The following MACROD2 variants were observed in gnomAD, a reference collection of about 807,000 sequenced individuals.
MACROD2 encodes the protein mono-ADP ribosylhydrolase 2, also known as ADP-ribose glycohydrolase MACROD2.
In MACROD2, 36 loss-of-function variants were observed where a neutral mutation model predicts 70.4. The ratio of observed to expected loss-of-function variants is 0.51; its 90% CI spans 0.39 to 0.68. MACROD2 has a LOEUF of 0.68. Among genes scored for constraint, MACROD2 ranks in the 30% least tolerant of loss-of-function variants. MACROD2 has a pLI of 0.00. For missense variants in MACROD2, 496 were observed against 538.4 expected (o/e 0.92, Z 0.78); for synonymous variants, 172 against 178.8 (o/e 0.96, Z 0.30).
At chr20:15,383,013 G>T (rs1293279889) in intron 6 of MACROD2, among the ~76,000 whole-genome samples, 1 of 152,144 alleles carries the variant, frequency 6.6e-6, no homozygotes, top group Non-Finnish European at 1.5e-5. Context: ...TTCAAATTCA[G>T]AAGAAAAGGA....
intron 6 of MACROD2, among the ~76,000 whole-genome samples, chr20:15,331,289 G>T (rs1486298562): frequency 6.6e-6 from 1 of 151,606 alleles, no homozygotes; most frequent in Admixed American, 6.6e-5. Context: ...AGTAATATTT[G>T]TTCGTTATAG....
intron 8 of MACROD2, among the ~76,000 whole-genome samples, chr20:15,568,171 A>G (rs1204784483): frequency 2.0e-5 from 3 of 152,142 alleles, no homozygotes; most frequent in African/African-American, 7.2e-5. Context: ...TTTCTCTATC[A>G]TGGCAAAGAT....
chr20:15,710,131 T>G (rs2050602918), intron 8 of MACROD2, among the ~76,000 whole-genome samples: 1 of 140,548 alleles, frequency 7.1e-6, no homozygotes, highest in African/African-American at 2.7e-5. Flanking sequence ...ACCAAGGAAA[T>G]GCAACTCAAA....
chr20:15,926,057 T>C (rs2065484929), intron 10 of MACROD2, among the ~76,000 whole-genome samples: 1 of 152,334 alleles, frequency 6.6e-6, no homozygotes. Flanking sequence ...GTCATTAGTC[T>C]GGAGAACTAT....
chr20:14,853,643 A>G (rs1466297301), intron 5 of MACROD2, among the ~76,000 whole-genome samples: 1 of 151,942 alleles, frequency 6.6e-6, no homozygotes, highest in Non-Finnish European at 1.5e-5. Flanking sequence ...TCCTCTTTTC[A>G]TTATTAAATG....
At chr20:14,647,453 A>C (rs1332182964) in intron 4 of MACROD2, among the ~76,000 whole-genome samples, 2 of 152,182 alleles carry the variant, frequency 1.3e-5, no homozygotes, top group Non-Finnish European at 2.9e-5. Flanking sequence ...TTTGTTTCAA[A>C]AAAATAATAC....
At chr20:15,640,381 G>T (rs1448336772) in intron 8 of MACROD2, among the ~76,000 whole-genome samples, 16 of 152,146 alleles carry the variant, frequency 1.1e-4, no homozygotes, top group Admixed American at 1.0e-3. Context: ...AGGTACAGAC[G>T]CAGAGTGACA....
chr20:14,023,318 G>A (rs182559798), intron 2 of MACROD2, among the ~76,000 whole-genome samples: 6 of 152,290 alleles, frequency 3.9e-5, no homozygotes, highest in African/African-American at 1.2e-4. Context: ...CAGATGGATA[G>A]ATTGAAATAA....
chr20:14,434,503 T>C (rs905225383), intron 3 of MACROD2, among the ~76,000 whole-genome samples: 4 of 152,120 alleles, frequency 2.6e-5, no homozygotes, highest in Non-Finnish European at 5.9e-5. Flanking sequence ...GCCCTTGCAA[T>C]TGTTAGTTTA....
intron 8 of MACROD2, among the ~76,000 whole-genome samples, chr20:15,707,969 T>A (rs572369144): frequency 3.3e-5 from 5 of 151,848 alleles, no homozygotes; most frequent in African/African-American, 1.2e-4. Flanking sequence ...TAAACTCAGT[T>A]GTGGAGAGGG....
chr20:14,802,484 T>C lies in MACROD2; in HGVS notation c.418+117525T>C, dbSNP rs141313418. Among the ~76,000 whole-genome samples the C allele has an allele frequency of 3.3e-5, 5 of 151,780 alleles. No homozygotes were observed. The East Asian group carries it at 9.6e-4, about 29-fold the overall frequency. ...AACTGTCCCTCTTCTTAGCACACAC[T>C]GTTGATACATGTGCTTACACATTCA... On this transcript the variant is annotated intron_variant, in intron 5 of 17. Coordinates refer to ENST00000684519, the MANE Select transcript of MACROD2 (RefSeq NM_001351661.2).
rs143245835 is a variant in MACROD2 at position 15,201,746 on chromosome 20, G to A, written c.419-28194G>A. 4.2e-3 allele frequency among the ~76,000 whole-genome samples: 640 copies of A among 152,286 alleles called. 6 individuals carry two copies. The highest frequency in any genetic ancestry group is 6.8e-3 in the Middle Eastern group (2 of 294). On this transcript the variant is annotated intron_variant, in intron 5 of 17. Coordinates refer to ENST00000684519, the MANE Select transcript of MACROD2 (RefSeq NM_001351661.2). ...AGTCCTCCCTCCACTCTGAAAGGGT[G>A]TCCATCTCTGATGTCTGCATTTGCA...
chr20:14,987,523 G>T (rs560128473), intron 5 of MACROD2, among the ~76,000 whole-genome samples: 2 of 152,048 alleles, frequency 1.3e-5, no homozygotes, highest in Non-Finnish European at 2.9e-5. Flanking sequence ...CAAATCCAGA[G>T]GCTTTTAAGA....
intron 3 of MACROD2, among the ~76,000 whole-genome samples, chr20:14,307,921 G>T (rs2082534363): frequency 1.3e-5 from 2 of 152,098 alleles, no homozygotes; most frequent in Admixed American, 6.5e-5. Context: ...TGATCTTACT[G>T]AAAGCTAAAG....
chr20:14,325,972 G>T, intron 3 of MACROD2: 1 of 1,613,918 alleles, frequency 6.2e-7, no homozygotes, highest in Non-Finnish European at 8.5e-7. Context: ...TCGATTGAGG[G>T]TGGTTGTAGG....
At chr20:15,700,144 A>T in intron 8 of MACROD2, among the ~76,000 whole-genome samples, 1 of 152,036 alleles carries the variant, frequency 6.6e-6, no homozygotes, top group East Asian at 1.9e-4. Context: ...CTTCCTACAG[A>T]GGGTCTGTGA....
chr20:14,240,557 G>T (rs563013718), intron 3 of MACROD2, among the ~76,000 whole-genome samples: 1 of 152,152 alleles, frequency 6.6e-6, no homozygotes, highest in South Asian at 2.1e-4. Context: ...GATGGAGCTG[G>T]AGTTCAGTAT....
chr20:15,233,331 G>A (rs1399222269), intron 6 of MACROD2, among the ~76,000 whole-genome samples: 1 of 152,074 alleles, frequency 6.6e-6, no homozygotes, highest in African/African-American at 2.4e-5. Flanking sequence ...AAAGTACTGA[G>A]CACCTTAGCC....
chr20:15,505,723 G>C (rs1324505572), intron 8 of MACROD2, among the ~76,000 whole-genome samples: 5 of 152,232 alleles, frequency 3.3e-5, no homozygotes, highest in Admixed American at 1.3e-4. Context: ...GAAGGCCTTT[G>C]GCTAGGTCAC....
Sources: allele counts gnomAD v4.1 joint callset (sites outside exome capture counted in the v4.1 genomes callset), GRCh38; gene constraint gnomAD v4.1.1; transcripts MANE v1.5; gene names NCBI Gene and HGNC (gene_info 2026-07-23, HGNC 2026-07-21).